The following RGR variants were observed in gnomAD, a reference collection of about 807,000 sequenced individuals.
RGR encodes retinal G protein coupled receptor, also known as RPE-retinal G protein-coupled receptor.
Under a neutral mutation model 28.6 loss-of-function variants are expected in RGR, and 30 were observed. The ratio of observed to expected loss-of-function variants is 1.05; its 90% CI spans 0.78 to 1.42. RGR has a LOEUF of 1.42. Among genes scored for constraint, RGR ranks in the 40% most tolerant of loss-of-function variants. RGR has a pLI of 0.00. For synonymous variants in RGR, 180 were observed against 156.4 expected, an observed-to-expected ratio of 1.15 and a Z score of -1.13; for missense variants, 404 against 375.6, an observed-to-expected ratio of 1.08 and a Z score of -0.62.
At chr10:84,256,939 C>T (rs565642710) in intron 5 of RGR, among the ~76,000 whole-genome samples, 3 of 152,022 alleles carry the variant, frequency 2.0e-5, no homozygotes, top group East Asian at 1.9e-4. Flanking sequence ...CTTAGGGCCT[C>T]GGCTCCCGGG....
chr10:84,258,358 C>A, intron 6 of RGR, 150 bp from the exon 7 acceptor site: 3 of 1,281,442 alleles, frequency 2.3e-6, no homozygotes, highest in Non-Finnish European at 3.3e-6. Context: ...GTGAGCCATG[C>A]ATCTCCACCA....
chr10:84,250,453 C>T (rs980029371), intron 3 of RGR: 10 of 717,126 alleles, frequency 1.4e-5, no homozygotes, highest in South Asian at 3.0e-5. Context: ...CACTTGGCCT[C>T]AGAGCACTTC....
chr10:84,245,145 G>A lies in RGR; in HGVS notation c.55G>A (p.Val19Met), dbSNP rs913084938. 1.9e-6 allele frequency: 3 copies of A among 1,613,190 alleles called. No homozygotes were observed. Among genetic ancestry groups the A allele is most frequent in the African/African-American group, 2.7e-5 (2 of 74,904 alleles). Residue 19 changes from valine to methionine, a missense_variant, in exon 1 of 7, where the codon GTG becomes ATG. Val to Met is a conservative substitution (Grantham distance 21). Coordinates refer to ENST00000652092, the MANE Select transcript of RGR (RefSeq NM_001012720.2). ...TGFGELEVLAVGMVLLVEALS... is the reference protein window; with the variant it reads ...TGFGELEVLAMGMVLLVEALS... ...CTTCGGGGAGCTCGAGGTGCTGGCT[G>A]TGGGGATGGTGCTACTGGTGGAAGG...
Position 84,258,565 on chromosome 10 carries a change from G to A in RGR, c.802G>A (p.Gly268Ser). ...GATCAATGCCATCAACTATGCCCTG[G>A]GCAATGAGATGGTCTGCAGGGGAAT... Reference protein sequence around the residue: ...PTINAINYALGNEMVCRGIWQ... With the variant: ...PTINAINYALSNEMVCRGIWQ... The change falls in exon 7 of 7, where the codon GGC becomes AGC. Residue 268 changes from glycine (G) to serine (S), a missense_variant. Gly to Ser is a moderately conservative substitution (Grantham distance 56). Transcript: ENST00000652092. 6.2e-7 allele frequency: 1 copy of A among 1,614,194 alleles called. No homozygotes were observed. Among genetic ancestry groups the A allele is most frequent in the South Asian group, 1.1e-5 (1 of 91,080 alleles).
chr10:84,250,501 C>A, intron 3 of RGR: 1 of 705,526 alleles, frequency 1.4e-6, no homozygotes, highest in Non-Finnish European at 2.6e-6. Flanking sequence ...CCCTAATGCT[C>A]CCTTGGACCA....
chr10:84,258,801 G>T lies in RGR; in HGVS notation c.*162G>T, dbSNP rs1842920846. On this transcript the variant is annotated 3_prime_UTR_variant, in exon 7 of 7. Transcript: ENST00000652092. ...ATTCAGAAAGACACCAGGCTGCACA[G>T]AAAGAGCCAGATGGACCTGAGTGTC... The T allele has an allele frequency of 1.9e-6, 2 of 1,029,958 alleles. No homozygotes were observed. Among genetic ancestry groups the T allele is most frequent in the South Asian group, 2.8e-5 (2 of 71,690 alleles). 63.8% of individuals were successfully genotyped at this position (1,029,958 alleles called of 1,614,324 possible).
At chr10:84,253,408 C>T (rs1435762326) in intron 4 of RGR, among the ~76,000 whole-genome samples, 1 of 152,178 alleles carries the variant, frequency 6.6e-6, no homozygotes, top group Admixed American at 6.5e-5. Flanking sequence ...ATTCAAAGAA[C>T]ATTAAGGTCC....
intron 4 of RGR, among the ~76,000 whole-genome samples, 157 bp from the exon 5 acceptor site, chr10:84,254,169 G>A (rs1275010529): frequency 6.6e-6 from 1 of 152,180 alleles, no homozygotes; most frequent in East Asian, 1.9e-4. Context: ...GGCTCCTAAA[G>A]GGAGTTCACC....
intron 3 of RGR, chr10:84,250,599 C>T (rs1842804322): frequency 3.2e-6 from 2 of 633,826 alleles, no homozygotes; most frequent in Non-Finnish European, 5.8e-6. Context: ...CAATATAGAA[C>T]AGTTAATCCC....
In RGR at chr10:84,252,995, A is replaced by C; in HGVS notation, c.497A>C (p.Tyr166Ser). The change falls in exon 4 of 7, where the codon TAC becomes TCC. Residue 166 changes from tyrosine (Y) to serine (S), a missense_variant. By Grantham distance (144) the Tyr-to-Ser change is moderately radical. Coordinates refer to ENST00000652092, the MANE Select transcript of RGR (RefSeq NM_001012720.2). ...EPLGTCCTLD[Y>S]SKGDRNFTSF... ...CTGGGGACATGCTGCACCCTGGACT[A>C]CTCCAAGGGGGACAGGTGAGGTGGG... The C allele has an allele frequency of 6.2e-7, 1 of 1,613,094 alleles. No individual in the cohort carries two copies. The highest frequency in any genetic ancestry group is 8.5e-7 in the Non-Finnish European group (1 of 1,179,916).
Position 84,252,926 on chromosome 10 carries a change from C to CAGCTCTGCCCCTTCTGGGT in RGR, c.429_447dup (p.Trp150SerfsTer13). On this transcript the variant is annotated frameshift_variant, in exon 4 of 7. Coordinates refer to ENST00000652092, the MANE Select transcript of RGR (RefSeq NM_001012720.2). LOFTEE classifies it high-confidence loss of function. ...GTGTGGCTGTCTTCTGCCTTCTGGG[C>CAGCTCTGCCCCTTCTGGGT]AGCTCTGCCCCTTCTGGGTTGGGGT... 1.9e-6 allele frequency: 3 copies of CAGCTCTGCCCCTTCTGGGT among 1,614,142 alleles called. No homozygotes were observed. Among genetic ancestry groups the CAGCTCTGCCCCTTCTGGGT allele is most frequent in the Non-Finnish European group, 2.5e-6 (3 of 1,180,034 alleles).
At chr10:84,256,625 G>C (rs1204947546) in intron 5 of RGR, among the ~76,000 whole-genome samples, 1 of 152,244 alleles carries the variant, frequency 6.6e-6, no homozygotes, top group South Asian at 2.1e-4. Flanking sequence ...AGGAGAGAAA[G>C]GGCTTTCCTG....
rs929219080 is a variant in RGR, at chr10:84,254,444, G to A, written c.630+1G>A. ...ACTGGGGAAGAGTGGCCATCTCCAG[G>A]TAAGGACCCCCTTCCGGAGTGTTAT... On this transcript the variant is annotated splice_donor_variant, in intron 5 of 6. Transcript: ENST00000652092. LOFTEE classifies it high-confidence loss of function. 5 of 1,611,548 alleles carry A rather than the reference G, an allele frequency of 3.1e-6. No homozygotes were observed. The highest frequency in any genetic ancestry group is 4.2e-6 in the Non-Finnish European group (5 of 1,177,752).
At chr10:84,256,062 T>TC in intron 5 of RGR, among the ~76,000 whole-genome samples, 1 of 50,060 alleles carries the variant, frequency 2.0e-5, no homozygotes, top group African/African-American at 1.9e-4. Flanking sequence ...TTCCTTTCTT[T>TC]TTTTTTTTTT....
intron 5 of RGR, among the ~76,000 whole-genome samples, chr10:84,257,415 C>T (rs1001261539): frequency 4.6e-5 from 7 of 152,082 alleles, no homozygotes; most frequent in Non-Finnish European, 8.8e-5. Context: ...AGCACGCAGT[C>T]ACAGAGCCCA....
At chr10:84,248,458 G>C (rs964431146) in intron 2 of RGR, 1 of 274,668 alleles carries the variant, frequency 3.6e-6, no homozygotes, top group Admixed American at 4.9e-5. Flanking sequence ...TGACCAGCCT[G>C]GGGGGTCTGC....
At chr10:84,255,724 T>C (rs955411595) in intron 5 of RGR, among the ~76,000 whole-genome samples, 1 of 79,448 alleles carries the variant, frequency 1.3e-5, no homozygotes, top group East Asian at 2.8e-4. Flanking sequence ...CTTTCTTTTT[T>C]TTTTTTTTTT....
intron 3 of RGR, 35 bp downstream of exon 3, chr10:84,249,078 G>A: frequency 1.9e-6 from 3 of 1,612,688 alleles, no homozygotes; most frequent in East Asian, 2.2e-5. Context: ...GAGGGACACC[G>A]ATGCAGTGTG....
chr10:84,251,957 G>A (rs1589332751), intron 3 of RGR, among the ~76,000 whole-genome samples: 2 of 152,292 alleles, frequency 1.3e-5, no homozygotes, highest in African/African-American at 2.4e-5. Context: ...CTTCTCTCCC[G>A]ATCAAAACCC....
Sources: gnomAD v4.1 joint callset for allele counts (sites outside exome capture counted in the v4.1 genomes callset) on GRCh38, gnomAD v4.1.1 for gene constraint, MANE v1.5 for transcripts, NCBI Gene and HGNC (gene_info 2026-07-23, HGNC 2026-07-21) for gene names.